Variants in KCNAB2 observed in about 807,000 individuals in gnomAD.
KCNAB2 encodes the protein voltage-gated potassium channel subunit beta-2.
Under a neutral mutation model 63.6 loss-of-function variants are expected in KCNAB2, and 29 were observed. That is an observed-to-expected ratio of 0.46 (90% CI 0.34 to 0.62). The LOEUF (loss-of-function observed/expected upper bound fraction) is 0.62, where lower values mean the gene tolerates loss of function less well. KCNAB2 is among the 20% of genes least tolerant of loss of function. The probability of loss-of-function intolerance (pLI) is 0.01; values close to 1 mark genes in which losing one functional copy is unlikely to be tolerated. For missense variants in KCNAB2, 359 were observed against 563.9 expected, an observed-to-expected ratio of 0.64 and a Z score of 3.68; for synonymous variants, 222 against 224.2, an observed-to-expected ratio of 0.99 and a Z score of 0.09.
At chr1:6,070,333 C>A (rs1261103892) in intron 2 of KCNAB2, among the ~76,000 whole-genome samples, 1 of 152,212 alleles carries the variant, frequency 6.6e-6, no homozygotes, top group Non-Finnish European at 1.5e-5. Flanking sequence ...TCCTACTAAG[C>A]ATTTATAATT....
At chr1:6,049,496 C>T (rs1458515675) in intron 1 of KCNAB2, among the ~76,000 whole-genome samples, 1 of 152,160 alleles carries the variant, frequency 6.6e-6, no homozygotes, top group Non-Finnish European at 1.5e-5. Flanking sequence ...GGATGGGAAA[C>T]GCAGCCCCCC....
intron 2 of KCNAB2, among the ~76,000 whole-genome samples, chr1:6,052,662 T>A (rs1396382090): frequency 1.3e-5 from 2 of 152,184 alleles, no homozygotes; most frequent in Non-Finnish European, 2.9e-5. Flanking sequence ...TGTAAATCCC[T>A]CTCAATTGCA....
At chr1:6,094,972 G>T (rs1557515373) in intron 11 of KCNAB2, among the ~76,000 whole-genome samples, 1 of 152,342 alleles carries the variant, frequency 6.6e-6, no homozygotes, top group Non-Finnish European at 1.5e-5. Context: ...GGTGAGTGCC[G>T]CAGGCAGCCC....
chr1:6,093,720 G>A (rs1270090853), intron 10 of KCNAB2, among the ~76,000 whole-genome samples: 2 of 152,228 alleles, frequency 1.3e-5, no homozygotes, highest in Non-Finnish European at 1.5e-5. Context: ...CAGGCGGGTT[G>A]GGACTCTGGC....
intron 2 of KCNAB2, among the ~76,000 whole-genome samples, chr1:6,065,766 C>A (rs1662690737): frequency 6.6e-6 from 1 of 152,134 alleles, no homozygotes; most frequent in African/African-American, 2.4e-5. Context: ...GAGGAAGGAC[C>A]TGCAGAGACG....
intron 1 of KCNAB2, among the ~76,000 whole-genome samples, chr1:6,004,503 C>T (rs1028581212): frequency 3.9e-5 from 6 of 151,936 alleles, no homozygotes; most frequent in African/African-American, 1.2e-4. Flanking sequence ...CTCTGGAGAC[C>T]GAGGTAGCAT....
At chr1:6,067,650 A>G (rs1662867387) in intron 2 of KCNAB2, among the ~76,000 whole-genome samples, 3 of 152,174 alleles carry the variant, frequency 2.0e-5, no homozygotes, top group Non-Finnish European at 4.4e-5. Flanking sequence ...AAAGTGTCCA[A>G]TCCTCTAAGC....
chr1:6,080,123 C>T (rs1664067232), intron 4 of KCNAB2, among the ~76,000 whole-genome samples: 2 of 152,190 alleles, frequency 1.3e-5, no homozygotes, highest in Admixed American at 1.3e-4. Context: ...TCTGAGAAGC[C>T]CTGCCAGGAG....
At chr1:6,064,154 G>A (rs1294691611) in intron 2 of KCNAB2, among the ~76,000 whole-genome samples, 7 of 152,242 alleles carry the variant, frequency 4.6e-5, no homozygotes, top group Middle Eastern at 3.2e-3. Context: ...GCCAGCATGC[G>A]TAGCACCACT....
At chr1:6,000,051 T>C (rs1468136153) in intron 1 of KCNAB2, among the ~76,000 whole-genome samples, 1 of 151,892 alleles carries the variant, frequency 6.6e-6, no homozygotes, top group Non-Finnish European at 1.5e-5. Flanking sequence ...CTGCACCTTG[T>C]CTGTGCCCCG....
chr1:6,097,622 G>A, intron 15 of KCNAB2: 1 of 626,698 alleles, frequency 1.6e-6, no homozygotes, highest in Non-Finnish European at 2.8e-6. Context: ...GAGGGAGCTG[G>A]GGCCAGGGAC....
At chr1:6,004,388 G>T (rs903233651) in intron 1 of KCNAB2, among the ~76,000 whole-genome samples, 7 of 152,078 alleles carry the variant, frequency 4.6e-5, no homozygotes, top group East Asian at 3.9e-4. Flanking sequence ...AGCCTAGGGG[G>T]TGCATTTGTT....
intron 1 of KCNAB2, among the ~76,000 whole-genome samples, chr1:5,998,080 G>A (rs1439193948): frequency 6.6e-6 from 1 of 152,254 alleles, no homozygotes; most frequent in Non-Finnish European, 1.5e-5. Context: ...GTTGTGATAG[G>A]CAGAGCTAGG....
chr1:6,003,133 CCA>C lies in KCNAB2; in HGVS notation c.-53+10348_-53+10349del, dbSNP rs1431611101. ...GCTCGCCCTTGGCCTCGCTCCTGAG[CCA>C]CAGTCACCAGGGTGCCAGGTAAAGG... On this transcript the variant is annotated intron_variant, in intron 1 of 16. Coordinates refer to the KCNAB2 transcript ENST00000341524. The surrounding 1 kb of genome is among the most constrained non-coding windows in gnomAD (Gnocchi z 4.1). 1.3e-5 allele frequency among the ~76,000 whole-genome samples: 2 copies of C among 152,204 alleles called. No individual in the cohort carries two copies. The highest frequency in any genetic ancestry group is 6.5e-5 in the Admixed American group (1 of 15,288).
At chr1:6,015,055 G>A (rs1658414796) in intron 1 of KCNAB2, among the ~76,000 whole-genome samples, 1 of 106,240 alleles carries the variant, frequency 9.4e-6, no homozygotes, top group East Asian at 3.2e-4. Context: ...TTTTTGAGAT[G>A]GAGTCTCACT....
intron 1 of KCNAB2, chr1:6,007,427 C>T (rs1657869222): frequency 6.6e-6 from 1 of 152,358 alleles, no homozygotes; most frequent in Non-Finnish European, 1.5e-5. Flanking sequence ...AAAACCCACC[C>T]CCTCTGCCCA....
At chr1:6,081,698 G>A (rs985550277) in intron 4 of KCNAB2, among the ~76,000 whole-genome samples, 6 of 152,188 alleles carry the variant, frequency 3.9e-5, no homozygotes, top group South Asian at 2.1e-4. Flanking sequence ...CTCTGCCTTC[G>A]TAGTCTCATG....
At chr1:6,039,659 G>A (rs757209467) in intron 1 of KCNAB2, among the ~76,000 whole-genome samples, 49 of 152,184 alleles carry the variant, frequency 3.2e-4, no homozygotes, top group Non-Finnish European at 6.8e-4. Flanking sequence ...AGCTGCAGTC[G>A]AGGTTCTTGC....
intron 1 of KCNAB2, among the ~76,000 whole-genome samples, chr1:6,050,191 A>G (rs1661269226): frequency 6.6e-6 from 1 of 152,194 alleles, no homozygotes; most frequent in South Asian, 2.1e-4. Context: ...CTCTTGGGGC[A>G]GAAGGTGGGG....
Sources: allele counts gnomAD v4.1 joint callset (sites outside exome capture counted in the v4.1 genomes callset), GRCh38; gene constraint gnomAD v4.1.1; non-coding constraint Gnocchi (gnomAD v3.1); transcripts MANE v1.5; gene names NCBI Gene and HGNC (gene_info 2026-07-23, HGNC 2026-07-21).